Variants in DPP6 observed in about 807,000 individuals in gnomAD.
The protein encoded by DPP6 is dipeptidyl peptidase like 6, also known as A-type potassium channel modulatory protein DPP6.
DPP6 carries 69 observed loss-of-function variants against 122.6 expected under a neutral mutation model. The observed-to-expected ratio is 0.56, with a 90% CI of 0.46 to 0.69. The LOEUF is 0.69. Ranked by LOEUF, DPP6 falls within the 30% of genes least tolerant of loss-of-function variation. The probability of loss-of-function intolerance (pLI) is 0.00; values close to 1 mark genes in which losing one functional copy is unlikely to be tolerated. For missense variants in DPP6, 928 were observed against 1,116.9 expected (o/e 0.83, Z 2.41); for synonymous variants, 418 against 433.1 (o/e 0.97, Z 0.43).
intron 13 of DPP6, 72 bp downstream of exon 13, chr7:154,801,534 G>A: frequency 2.7e-6 from 4 of 1,476,256 alleles, no homozygotes; most frequent in Non-Finnish European, 3.6e-6. Flanking sequence ...CAGCCTCTAG[G>A]GCTGGGCACA....
chr7:154,197,230 A>C (rs1315137344), intron 1 of DPP6, among the ~76,000 whole-genome samples: 2 of 151,548 alleles, frequency 1.3e-5, no homozygotes, highest in Non-Finnish European at 1.5e-5. Flanking sequence ...ATGAAGGTCA[A>C]GCAGAAGATA....
chr7:154,553,420 C>A (rs777332219), intron 4 of DPP6, among the ~76,000 whole-genome samples: 15 of 152,140 alleles, frequency 9.9e-5, no homozygotes, highest in Non-Finnish European at 2.1e-4. Context: ...GAGGAATAAG[C>A]TACTGCAAGG....
At chr7:154,107,760 C>G (rs560088471) in intron 1 of DPP6, among the ~76,000 whole-genome samples, 6 of 152,174 alleles carry the variant, frequency 3.9e-5, no homozygotes, top group African/African-American at 1.4e-4. Context: ...TACCAGGGTT[C>G]TTTTGGTCTC....
chr7:154,249,288 C>G (rs1194533201), intron 1 of DPP6, among the ~76,000 whole-genome samples: 1 of 152,178 alleles, frequency 6.6e-6, no homozygotes, highest in Non-Finnish European at 1.5e-5. Context: ...AGACAAGCAT[C>G]CTATTTGTTT....
the DPP6 span, among the ~76,000 whole-genome samples, chr7:153,790,623 T>C: frequency 6.6e-6 from 1 of 152,202 alleles, no homozygotes; most frequent in Admixed American, 6.5e-5. Flanking sequence ...TTTCCGTTGA[T>C]ACTGACATTA....
chr7:154,891,644 G>A (rs750348830), intron 25 of DPP6, among the ~76,000 whole-genome samples: 9 of 152,132 alleles, frequency 5.9e-5, no homozygotes, highest in Non-Finnish European at 1.3e-4. Flanking sequence ...GGAGTGTAAT[G>A]GCGCGATCTC....
chr7:154,326,784 C>A (rs985564224), intron 1 of DPP6, among the ~76,000 whole-genome samples: 1 of 152,186 alleles, frequency 6.6e-6, no homozygotes, highest in Non-Finnish European at 1.5e-5. Context: ...CATATCCTTT[C>A]TTAAGGTATA....
intron 1 of DPP6, among the ~76,000 whole-genome samples, chr7:153,981,643 G>A (rs1489761834): frequency 6.6e-6 from 1 of 152,112 alleles, no homozygotes; most frequent in Non-Finnish European, 1.5e-5. Context: ...AGTGTCGATG[G>A]TCTTTACATT....
chr7:154,608,338 TA>T lies in DPP6; in HGVS notation c.628-29482del, dbSNP rs201814231. 4.5e-3 allele frequency among the ~76,000 whole-genome samples: 525 copies of T among 116,350 alleles called. 13 individuals are homozygous for T. The highest frequency in any genetic ancestry group is 6.5e-3 in the Non-Finnish European group (359 of 54,900). The allele number at this position is 116,350 out of a possible 152,430, so 76.3% of individuals were successfully genotyped here. A position where few individuals can be genotyped will look rare whatever the true frequency, so the allele number is the denominator to read the frequency against. ...GAGTGATCATATATATATATATATA[TA>T]TATTTTGAGATGGAATCTCGCTCTG... On this transcript the variant is annotated intron_variant, in intron 5 of 25. Coordinates refer to ENST00000377770, the MANE Select transcript of DPP6 (RefSeq NM_130797.4).
intron 1 of DPP6, among the ~76,000 whole-genome samples, chr7:154,002,481 T>C (rs187166159): frequency 6.6e-6 from 1 of 152,366 alleles, no homozygotes. Flanking sequence ...GTCTCATTCA[T>C]TATTGTACGG....
chr7:154,228,566 G>A (rs1197875497), intron 1 of DPP6, among the ~76,000 whole-genome samples: 1 of 152,110 alleles, frequency 6.6e-6, no homozygotes, highest in Non-Finnish European at 1.5e-5. Flanking sequence ...AACTGGGAAA[G>A]AATCTATTTC....
intron 1 of DPP6, among the ~76,000 whole-genome samples, chr7:154,239,818 CAAAAAA>C (rs146860382): frequency 1.5e-3 from 140 of 91,812 alleles, no homozygotes; most frequent in African/African-American, 4.1e-3. Context: ...ACTAAAACTA[CAAAAAA>C]AAAAAAAAAA....
At chr7:153,758,611 G>T in the DPP6 span, among the ~76,000 whole-genome samples, 1 of 151,226 alleles carries the variant, frequency 6.6e-6, no homozygotes, top group South Asian at 2.1e-4. Context: ...TTTAGATAAT[G>T]GAATTATTAA....
At chr7:154,098,787 G>A (rs559748096) in intron 1 of DPP6, among the ~76,000 whole-genome samples, 2 of 152,108 alleles carry the variant, frequency 1.3e-5, no homozygotes, top group East Asian at 3.9e-4. Flanking sequence ...ACTGCATTTG[G>A]CAGTGATATA....
intron 1 of DPP6, among the ~76,000 whole-genome samples, chr7:153,947,741 T>G (rs1802015901): frequency 6.6e-6 from 1 of 152,126 alleles, no homozygotes; most frequent in Non-Finnish European, 1.5e-5. Context: ...CAGCAAGGTC[T>G]GTGTGCTCAG....
intron 3 of DPP6, among the ~76,000 whole-genome samples, chr7:154,522,973 T>G (rs1337748500): frequency 1.3e-5 from 2 of 152,190 alleles, no homozygotes; most frequent in Non-Finnish European, 2.9e-5. Context: ...AACCCACCTC[T>G]GGGGCGGGGA....
rs886358406 is a variant in DPP6 at position 154,444,337 on chromosome 7, C to T, written c.244-1877C>T. On this transcript the variant is annotated intron_variant, in intron 1 of 25. Transcript: ENST00000377770. Reference sequence around the variant, plus strand: ...AAAATTAGCCAGGTGTGATTGTGGGCGCCTGTGGTCCCAGCTACTCTGGAG... The same window carrying T: ...AAAATTAGCCAGGTGTGATTGTGGGTGCCTGTGGTCCCAGCTACTCTGGAG... 6.6e-5 allele frequency among the ~76,000 whole-genome samples: 10 copies of T among 151,314 alleles called. No homozygotes were observed. In the South Asian group the frequency reaches 8.3e-4, roughly 13 times the overall value.
intron 1 of DPP6, among the ~76,000 whole-genome samples, chr7:154,024,747 G>A (rs183011867): frequency 3.5e-4 from 53 of 152,312 alleles, no homozygotes; most frequent in Non-Finnish European, 3.2e-4. Flanking sequence ...AATGGAGTCC[G>A]AGCAGCGGGG....
chr7:153,936,555 C>T (rs1018680595), intron 1 of DPP6, among the ~76,000 whole-genome samples: 2 of 152,030 alleles, frequency 1.3e-5, no homozygotes, highest in Non-Finnish European at 2.9e-5. Context: ...GCCTGTAATC[C>T]CAGCACTTTG....
Sources: gnomAD v4.1 joint callset for allele counts (sites outside exome capture counted in the v4.1 genomes callset) on GRCh38, gnomAD v4.1.1 for gene constraint, MANE v1.5 for transcripts, NCBI Gene and HGNC (gene_info 2026-07-23, HGNC 2026-07-21) for gene names.